The following IRAG2 variants were observed in gnomAD, a reference collection of about 807,000 sequenced individuals.
IRAG2 encodes the protein inositol 1,4,5-triphosphate receptor associated 2, also known as lymphoid restricted membrane protein.
A neutral mutation model predicts 69.9 loss-of-function variants in IRAG2; 45 were observed. That is an observed-to-expected ratio of 0.64 (90% CI 0.51 to 0.83). The LOEUF is 0.83. Among genes scored for constraint, IRAG2 ranks in the 40% least tolerant of loss-of-function variants. The pLI is 0.00. For missense variants in IRAG2, 520 were observed against 587.0 expected, an observed-to-expected ratio of 0.89 and a Z score of 1.18; for synonymous variants, 193 against 202.4, an observed-to-expected ratio of 0.95 and a Z score of 0.40.
intron 5 of IRAG2, among the ~76,000 whole-genome samples, chr12:25,069,090 A>G (rs859141): frequency 0.89 from 135,460 of 152,214 alleles, 60,433 homozygotes; most frequent in East Asian, 1. Flanking sequence ...TTTCCCTTCT[A>G]TATTGAGGGT....
chr12:25,015,088 G>GAAAAAAAAAAAAAAAAAAAAAAAA, intron 3 of IRAG2: 23 of 50,214 alleles, frequency 4.6e-4, no homozygotes, highest in Admixed American at 8.9e-4. Context: ...GCATAAATCT[G>GAAAAAAAAAAAAAAAAAAAAAAAA]AAAAAAAAAA....
At chr12:25,050,030 G>A (rs1944829800), upstream of IRAG2, among the ~76,000 whole-genome samples, 1 of 148,996 alleles carries the variant, frequency 6.7e-6, no homozygotes, top group African/African-American at 2.4e-5. Flanking sequence ...GGCCGAGGCA[G>A]GAGAATGGCG....
At chr12:25,010,975 A>G (rs143324922) in intron 2 of IRAG2, among the ~76,000 whole-genome samples, 27 of 152,328 alleles carry the variant, frequency 1.8e-4, no homozygotes, top group African/African-American at 6.5e-4. Context: ...TCCTTCATTG[A>G]AGGCTTTTCA....
intron 5 of IRAG2, chr12:25,015,496 C>A: frequency 1.0e-6 from 1 of 1,004,644 alleles, no homozygotes; most frequent in Non-Finnish European, 1.3e-6. Context: ...CATAAATCTA[C>A]GTATTTCAGT....
At chr12:25,045,422 A>G (rs1944785209) in intron 16 of IRAG2, among the ~76,000 whole-genome samples, 1 of 152,066 alleles carries the variant, frequency 6.6e-6, no homozygotes, top group African/African-American at 2.4e-5. Context: ...GTTGTTTAAA[A>G]TAGAAAAGCA....
intron 9 of IRAG2, among the ~76,000 whole-genome samples, chr12:25,082,623 C>CA (rs71450749): frequency 8.5e-4 from 128 of 150,760 alleles, no homozygotes; most frequent in Admixed American, 1.6e-3. Context: ...AAAACAAAAA[C>CA]AAACAAAACA....
intron 2 of IRAG2, among the ~76,000 whole-genome samples, chr12:25,010,867 A>T (rs561731942): frequency 3.9e-5 from 6 of 152,296 alleles, no homozygotes; most frequent in South Asian, 2.1e-4. Flanking sequence ...TCTGAATGTG[A>T]TAGTAGGGAT....
chr12:25,051,539 T>C (rs715989), upstream of IRAG2, among the ~76,000 whole-genome samples: 45,588 of 152,196 alleles, frequency 0.3, 7,052 homozygotes, highest in South Asian at 0.43. Flanking sequence ...TCTCATCTGC[T>C]AACAGAGAGT....
At chr12:25,022,945 G>A (rs77656467) in intron 7 of IRAG2, among the ~76,000 whole-genome samples, 1 of 152,192 alleles carries the variant, frequency 6.6e-6, no homozygotes, top group African/African-American at 2.4e-5. Context: ...GGCCAACATG[G>A]TGAAACCCTG....
Position 25,096,969 on chromosome 12 carries a change from G to A in IRAG2, c.666G>A (p.Glu222=). The part of the protein sequence containing the change: ...NQAQEIIKKL[E]KSIKFLSQCA... ...CACAGGAAATCATTAAGAAGCTGGA[G>A]AAGAGTATAAAGTTTCTTAGCCAGT... Residue 222 remains glutamate, a synonymous_variant, in exon 15 of 22, where the codon GAG becomes GAA. Transcript: ENST00000556887. 1 of 1,613,814 alleles carries A rather than the reference G, an allele frequency of 6.2e-7. No homozygotes were observed.
intron 9 of IRAG2, among the ~76,000 whole-genome samples, chr12:25,080,167 C>T (rs1947100274): frequency 6.6e-6 from 1 of 152,112 alleles, no homozygotes; most frequent in Admixed American, 6.6e-5. Flanking sequence ...AGCAATGGTC[C>T]ACCCAGAGGC....
chr12:25,008,976 C>T (rs1304391443), intron 2 of IRAG2, among the ~76,000 whole-genome samples: 2 of 152,032 alleles, frequency 1.3e-5, no homozygotes, highest in Non-Finnish European at 2.9e-5. Context: ...TTAACCAATC[C>T]ATGTCAATTG....
intron 14 of IRAG2, among the ~76,000 whole-genome samples, chr12:25,095,482 T>C (rs1183906423): frequency 6.6e-6 from 1 of 152,186 alleles, no homozygotes; most frequent in African/African-American, 2.4e-5. Flanking sequence ...CCTAACATTA[T>C]AGAAATAAAT....
chr12:25,063,803 C>G lies in IRAG2; in HGVS notation c.-220C>G, dbSNP rs918225887. 2.5e-6 allele frequency: 1 copy of G among 398,906 alleles called. No individual in the cohort carries two copies. The highest frequency in any genetic ancestry group is 2.1e-5 in the African/African-American group (1 of 48,628). 24.7% of individuals were successfully genotyped at this position (398,906 alleles called of 1,614,324 possible). A position where few individuals can be genotyped will look rare whatever the true frequency, so the allele number is the denominator to read the frequency against. On this transcript the variant is annotated 5_prime_UTR_variant, in exon 4 of 22. Transcript: ENST00000556887. Reference sequence around the variant, plus strand: ...TGACCTTGAAACATACGTGCTGGTACACACCTCTGCTGGGTAAGCCCCCCT... The same window carrying G: ...TGACCTTGAAACATACGTGCTGGTAGACACCTCTGCTGGGTAAGCCCCCCT...
rs183789897 is a variant in IRAG2 at position 25,103,078 on chromosome 12, A to G, written c.934-759A>G. ...ATTCTTGATGCTCAACTAACCTATG[A>G]AATTAAATTAGGGATGATGGTTTAA... On this transcript the variant is annotated intron_variant, in intron 17 of 21. Coordinates refer to ENST00000556887, the MANE Select transcript of IRAG2 (RefSeq NM_001366544.2). 4.6e-5 allele frequency: 7 copies of G among 152,324 alleles called. No homozygotes were observed. The East Asian group carries it at 1.3e-3, about 29-fold the overall frequency. The allele number at this position is 152,324 out of a possible 1,614,324, so 9.4% of individuals were successfully genotyped here. A position where few individuals can be genotyped will look rare whatever the true frequency, so the allele number is the denominator to read the frequency against.
In IRAG2 at chr12:25,066,406, G is replaced by T. The variant is rs1207736820; in HGVS notation, c.-165G>T. On this transcript the variant is annotated 5_prime_UTR_variant, in exon 5 of 22. Coordinates refer to ENST00000556887, the MANE Select transcript of IRAG2 (RefSeq NM_001366544.2). ...TAGTTTTACAGCAGTTCCAACCCTG[G>T]AATCAACACCTTTCTCAGGTGTAGC... 2 of 401,082 alleles carry T rather than the reference G, an allele frequency of 5.0e-6. No homozygotes were observed. Among genetic ancestry groups the T allele is most frequent in the Non-Finnish European group, 8.8e-6 (2 of 226,212 alleles). 24.8% of individuals were successfully genotyped at this position (401,082 alleles called of 1,614,324 possible). A position where few individuals can be genotyped will look rare whatever the true frequency, so the allele number is the denominator to read the frequency against.
intron 14 of IRAG2, chr12:25,093,756 C>T (rs12228365): frequency 0.58 from 89,167 of 154,932 alleles, 29,013 homozygotes; most frequent in East Asian, 0.9. Context: ...CTTGAGACGG[C>T]AGAATTATTA....
intron 5 of IRAG2, among the ~76,000 whole-genome samples, chr12:25,068,561 C>T (rs929647671): frequency 1.3e-5 from 2 of 152,130 alleles, no homozygotes; most frequent in Non-Finnish European, 2.9e-5. Context: ...AAAGTTCCAA[C>T]GCTCAAACCA....
intron 2 of IRAG2, among the ~76,000 whole-genome samples, chr12:25,008,923 A>G (rs1182460176): frequency 6.6e-6 from 1 of 152,208 alleles, no homozygotes; most frequent in African/African-American, 2.4e-5. Context: ...GTCTGCATCA[A>G]AAAATTTTCT....
Sources: allele counts gnomAD v4.1 joint callset (sites outside exome capture counted in the v4.1 genomes callset), GRCh38; gene constraint gnomAD v4.1.1; transcripts MANE v1.5; gene names NCBI Gene and HGNC (gene_info 2026-07-23, HGNC 2026-07-21).